Variants in PRH1 observed in about 807,000 individuals in gnomAD.
PRH1 encodes the protein salivary acidic proline-rich phosphoprotein 1/2.
In PRH1, 7 loss-of-function variants were observed where a neutral mutation model predicts 7.9. The ratio of observed to expected loss-of-function variants is 0.89; its 90% confidence interval spans 0.50 to 1.67. The LOEUF (loss-of-function observed/expected upper bound fraction) is 1.67. PRH1 is among the 40% of genes most tolerant of loss of function. The pLI, the probability that PRH1 is intolerant of heterozygous loss-of-function variation, is 0.00. For missense variants in PRH1, 109 were observed against 223.6 expected, an observed-to-expected ratio of 0.49 and a Z score of 3.27; for synonymous variants, 45 against 80.8, an observed-to-expected ratio of 0.56 and a Z score of 2.38.
intron 1 of PRH1, among the ~76,000 whole-genome samples, chr12:10,991,053 G>C (rs1228224889): frequency 6.6e-6 from 1 of 152,184 alleles, no homozygotes; most frequent in East Asian, 1.9e-4. Context: ...ACTTCTTAGA[G>C]AAAGGATTCT....
chr12:10,907,210 C>T (rs1185388933), intron 2 of PRH1, among the ~76,000 whole-genome samples: 1 of 152,164 alleles, frequency 6.6e-6, no homozygotes, highest in African/African-American at 2.4e-5. Context: ...TAAACATACA[C>T]TTATCATATG....
chr12:10,986,510 A>C, intron 1 of PRH1: 1 of 1,614,110 alleles, frequency 6.2e-7, no homozygotes, highest in South Asian at 1.1e-5. Context: ...AATGAAGAAA[A>C]AGAAGGTTGG....
intron 2 of PRH1, among the ~76,000 whole-genome samples, chr12:10,945,126 AT>A (rs1220797041): frequency 6.6e-6 from 1 of 152,166 alleles, no homozygotes; most frequent in Admixed American, 6.5e-5. Flanking sequence ...TTCTGTAAAA[AT>A]GGTAACAGCT....
chr12:10,931,208 G>T lies in PRH1; in HGVS notation c.-59+42447C>A, dbSNP rs1591692005. The T allele has an allele frequency of 1.3e-6, 2 of 1,515,270 alleles. 1 individual carries two copies. The highest frequency in any genetic ancestry group is 1.8e-6 in the Non-Finnish European group (2 of 1,132,936). The allele number at this position is 1,515,270 out of a possible 1,614,324, so 93.9% of individuals were successfully genotyped here. A position where few individuals can be genotyped will look rare whatever the true frequency, so the allele number is the denominator to read the frequency against. Reference sequence around the variant, plus strand: ...CTGGAACACATTTCTCATGAGTTTTGTTCAAATATTCTGGGATAAGGTAGC... The same window carrying T: ...CTGGAACACATTTCTCATGAGTTTTTTTCAAATATTCTGGGATAAGGTAGC... On this transcript the variant is annotated intron_variant, in intron 2 of 3. Coordinates refer to the PRH1 transcript ENST00000539853.
At chr12:11,170,773 C>T (rs61928619) in intron 1 of PRH1, among the ~76,000 whole-genome samples, 36,369 of 152,064 alleles carry the variant, frequency 0.24, 4,385 homozygotes, top group Non-Finnish European at 0.25. Context: ...GTTTATCATT[C>T]CTGTCACTTG....
At chr12:11,083,806 TTATA>T (rs1256594227) in intron 1 of PRH1, among the ~76,000 whole-genome samples, 1 of 152,186 alleles carries the variant, frequency 6.6e-6, no homozygotes, top group Non-Finnish European at 1.5e-5. Context: ...TTTGTAAACT[TTATA>T]TAAGTGGAAT....
chr12:11,015,162 G>A (rs562651047), intron 1 of PRH1, among the ~76,000 whole-genome samples: 10 of 152,348 alleles, frequency 6.6e-5, no homozygotes, highest in African/African-American at 2.4e-4. Flanking sequence ...TAAACACACT[G>A]CGCATGCTCA....
chr12:10,949,302 C>T (rs1325482873), intron 2 of PRH1, among the ~76,000 whole-genome samples: 1 of 152,152 alleles, frequency 6.6e-6, no homozygotes, highest in Non-Finnish European at 1.5e-5. Context: ...GGGTTTCTCT[C>T]CTTGGGTTGA....
chr12:10,983,003 G>A (rs960495349), intron 1 of PRH1, among the ~76,000 whole-genome samples: 2 of 152,148 alleles, frequency 1.3e-5, no homozygotes, highest in African/African-American at 4.8e-5. Flanking sequence ...CTTGTCTCAA[G>A]TCAAACCCGA....
chr12:11,021,991 CAT>C (rs774523719), intron 1 of PRH1: 5 of 1,578,314 alleles, frequency 3.2e-6, no homozygotes. Context: ...CAGCAGAAAA[CAT>C]ATTAGGCTCA....
At chr12:11,130,216 T>C (rs1423486079) in intron 1 of PRH1, among the ~76,000 whole-genome samples, 2 of 152,200 alleles carry the variant, frequency 1.3e-5, no homozygotes, top group Admixed American at 6.5e-5. Context: ...TTCTTCAGTA[T>C]AGTAAAATAT....
intron 1 of PRH1, among the ~76,000 whole-genome samples, chr12:11,007,262 T>C (rs984150288): frequency 2.6e-5 from 4 of 152,116 alleles, no homozygotes; most frequent in Non-Finnish European, 4.4e-5. Flanking sequence ...TAACCAATAC[T>C]TTTATATGAC....
intron 1 of PRH1, among the ~76,000 whole-genome samples, chr12:11,099,202 T>C (rs1215782058): frequency 5.3e-5 from 8 of 152,204 alleles, no homozygotes; most frequent in African/African-American, 1.9e-4. Context: ...AGAAAATTAC[T>C]ACACTTTGCA....
At chr12:11,160,313 TATAA>T (rs1947375793) in intron 1 of PRH1, among the ~76,000 whole-genome samples, 1 of 152,166 alleles carries the variant, frequency 6.6e-6, no homozygotes, top group Admixed American at 6.5e-5. Flanking sequence ...AAACTATTAA[TATAA>T]ATAATTTGTA....
At chr12:10,972,891 T>C (rs914693173) in intron 2 of PRH1, among the ~76,000 whole-genome samples, 4 of 149,392 alleles carry the variant, frequency 2.7e-5, no homozygotes, top group African/African-American at 9.9e-5. Flanking sequence ...TATAACCTTA[T>C]TGGTAACAAG....
At chr12:11,016,257 T>C (rs1941288211) in intron 1 of PRH1, among the ~76,000 whole-genome samples, 1 of 152,214 alleles carries the variant, frequency 6.6e-6, no homozygotes, top group African/African-American at 2.4e-5. Flanking sequence ...AGTGTCTGCT[T>C]TCTGCTCCAA....
chr12:10,919,628 A>G (rs770029255), intron 2 of PRH1, among the ~76,000 whole-genome samples: 3 of 151,640 alleles, frequency 2.0e-5, no homozygotes, highest in Non-Finnish European at 4.4e-5. Flanking sequence ...ATTTTGTCCC[A>G]ATATTAAATG....
intron 2 of PRH1, among the ~76,000 whole-genome samples, chr12:10,972,476 A>T (rs751997375): frequency 6.6e-6 from 1 of 152,188 alleles, no homozygotes; most frequent in African/African-American, 2.4e-5. Flanking sequence ...ACTACTATTC[A>T]TACACTGTTC....
intron 1 of PRH1, among the ~76,000 whole-genome samples, chr12:11,067,796 G>C (rs971764224): frequency 3.3e-5 from 5 of 152,316 alleles, no homozygotes; most frequent in African/African-American, 1.2e-4. Flanking sequence ...CTGGATAGCA[G>C]AGGTTGCACT....
Sources: allele counts gnomAD v4.1 joint callset (sites outside exome capture counted in the v4.1 genomes callset), GRCh38; gene constraint gnomAD v4.1.1; transcripts MANE v1.5; gene names NCBI Gene and HGNC (gene_info 2026-07-23, HGNC 2026-07-21).